The following ROBO1 variants were observed in gnomAD, a reference collection of about 807,000 sequenced individuals.
ROBO1 encodes the protein roundabout guidance receptor 1.
In ROBO1, 149 loss-of-function variants were observed where a neutral mutation model predicts 195.9. The observed-to-expected ratio is 0.76, with a 90% CI of 0.67 to 0.87. The LOEUF is 0.87. ROBO1 is among the 40% of genes least tolerant of loss of function. The pLI is 0.00. For synonymous variants in ROBO1, 816 were observed against 733.2 expected, an observed-to-expected ratio of 1.11 and a Z score of -1.82; for missense variants, 1,933 against 2,068.3, an observed-to-expected ratio of 0.93 and a Z score of 1.27.
chr3:79,459,801 T>C (rs1268862551), intron 2 of ROBO1, among the ~76,000 whole-genome samples: 2 of 152,106 alleles, frequency 1.3e-5, no homozygotes, highest in African/African-American at 4.8e-5. Context: ...AAGGTATTAT[T>C]ATGAATAAAA....
chr3:78,732,100 T>A (rs1238681054), intron 5 of ROBO1, among the ~76,000 whole-genome samples: 2 of 152,084 alleles, frequency 1.3e-5, no homozygotes, highest in East Asian at 3.8e-4. Flanking sequence ...TTGCTCCAGA[T>A]CATTTGGTAA....
chr3:79,490,773 T>C (rs889629522), intron 2 of ROBO1, among the ~76,000 whole-genome samples: 16 of 152,208 alleles, frequency 1.1e-4, no homozygotes, highest in African/African-American at 1.7e-4. Flanking sequence ...CTTGTGCTTA[T>C]GCATATTTGC....
chr3:79,286,772 A>T (rs1444708591), intron 2 of ROBO1, among the ~76,000 whole-genome samples: 1 of 152,170 alleles, frequency 6.6e-6, no homozygotes, highest in Non-Finnish European at 1.5e-5. Context: ...AATAATAATA[A>T]TATCACAACT....
intron 3 of ROBO1, among the ~76,000 whole-genome samples, chr3:79,001,156 C>A (rs2077495123): frequency 6.6e-6 from 1 of 151,864 alleles, no homozygotes; most frequent in South Asian, 2.1e-4. Context: ...AGCATTAGGA[C>A]AAATACCTAA....
chr3:79,569,524 G>A (rs949911450), intron 2 of ROBO1, among the ~76,000 whole-genome samples: 5 of 151,842 alleles, frequency 3.3e-5, no homozygotes, highest in Admixed American at 6.6e-5. Context: ...ATATTATTTT[G>A]TCCAACACTG....
chr3:79,757,060 T>C (rs1704446940), intron 1 of ROBO1, among the ~76,000 whole-genome samples: 1 of 152,206 alleles, frequency 6.6e-6, no homozygotes, highest in Admixed American at 6.5e-5. Context: ...TATTCATTCA[T>C]TCATCCATAG....
chr3:79,360,638 A>T (rs2035734048), intron 2 of ROBO1, among the ~76,000 whole-genome samples: 1 of 151,986 alleles, frequency 6.6e-6, no homozygotes. Flanking sequence ...TACATGGATT[A>T]GTCACTTTGT....
chr3:79,604,833 A>G (rs1336259950), intron 1 of ROBO1, among the ~76,000 whole-genome samples: 1 of 151,810 alleles, frequency 6.6e-6, no homozygotes, highest in Admixed American at 6.6e-5. Flanking sequence ...CCTTTTGAAT[A>G]TTTTTCCTCT....
At chr3:79,264,963 A>C (rs758288065) in intron 2 of ROBO1, among the ~76,000 whole-genome samples, 10 of 151,894 alleles carry the variant, frequency 6.6e-5, no homozygotes, top group Non-Finnish European at 1.0e-4. Flanking sequence ...AAACAGCCGG[A>C]TTCTAGGTTA....
In ROBO1 at chr3:78,631,178, G is replaced by T. The variant is rs1289830398; in HGVS notation, c.3609C>A (p.Asn1203Lys). 6.2e-7 allele frequency: 1 copy of T among 1,611,830 alleles called. No homozygotes were observed. The highest frequency in any genetic ancestry group is 8.5e-7 in the Non-Finnish European group (1 of 1,178,930). The change falls in exon 25 of 31, where the codon AAC becomes AAA. Residue 1203 changes from asparagine (N) to lysine (K), a missense_variant. Physicochemically the swap from Asn to Lys is moderately conservative, Grantham distance 94 (BLOSUM62 0). This residue lies in a region of ROBO1 where 1,737 missense variants were observed against 1,882.5 expected (regional missense o/e 0.92). Coordinates refer to ENST00000464233, the MANE Select transcript of ROBO1 (RefSeq NM_002941.4). ...CCTCTTACCTTTCATCTACAGAAATGTTGTACTCTTCGCTATTGCTGTGTG... is the reference window on the plus strand; with the variant it reads ...CCTCTTACCTTTCATCTACAGAAATTTTGTACTCTTCGCTATTGCTGTGTG... ...PPPHSNSEEY[N>K]ISVDESYDQE...
At chr3:79,288,191 G>A (rs998275258) in intron 2 of ROBO1, among the ~76,000 whole-genome samples, 1 of 152,030 alleles carries the variant, frequency 6.6e-6, no homozygotes, top group African/African-American at 2.4e-5. Flanking sequence ...TTTTCTTAGT[G>A]AAAGGTTTAA....
chr3:78,677,404 T>C (rs200286309), intron 10 of ROBO1, among the ~76,000 whole-genome samples: 38,794 of 151,918 alleles, frequency 0.26, 5,134 homozygotes, highest in African/African-American at 0.32. Flanking sequence ...TCAACACCCA[T>C]CAGTGTGCTG....
At chr3:78,608,020 T>TACACACACACACACACACACACAC (rs56715450) in intron 28 of ROBO1, among the ~76,000 whole-genome samples, 76 of 149,872 alleles carry the variant, frequency 5.1e-4, no homozygotes, top group African/African-American at 1.8e-3. Context: ...TAATTTCATT[T>TACACACACACACACACACACACAC]ACACACACAC....
chr3:78,951,364 A>G (rs2040775277), intron 3 of ROBO1, among the ~76,000 whole-genome samples: 1 of 152,148 alleles, frequency 6.6e-6, no homozygotes. Flanking sequence ...ACATTCCTAT[A>G]AAACATCTGA....
At chr3:78,710,419 T>C (rs769751762) in intron 8 of ROBO1, among the ~76,000 whole-genome samples, 1 of 152,202 alleles carries the variant, frequency 6.6e-6, no homozygotes, top group Non-Finnish European at 1.5e-5. Flanking sequence ...AGATTCTTCA[T>C]TTACAGTAGA....
intron 2 of ROBO1, among the ~76,000 whole-genome samples, chr3:79,141,457 T>C (rs2080523434): frequency 1.3e-5 from 2 of 152,166 alleles, no homozygotes; most frequent in South Asian, 4.1e-4. Flanking sequence ...TCACAGGGAT[T>C]AGCTGTGTCC....
At chr3:79,505,242 A>G (rs1163334761) in intron 2 of ROBO1, among the ~76,000 whole-genome samples, 1 of 151,832 alleles carries the variant, frequency 6.6e-6, no homozygotes, top group East Asian at 1.9e-4. Context: ...TTGACTTTCT[A>G]CTTCTGTTCA....
chr3:79,599,842 G>T lies in ROBO1; in HGVS notation c.-50-9881C>A, dbSNP rs538003021. Among the ~76,000 whole-genome samples the T allele has an allele frequency of 9.4e-4, 143 of 151,886 alleles. 1 individual carries two copies. The highest frequency in any genetic ancestry group is 3.4e-3 in the African/African-American group (140 of 41,472). ...TTAGTAGAATTATTTAAATAATAAA[G>T]ACATTTTAAAAAATGATCTAATGAA... is the stretch of plus-strand genomic sequence containing the variant. On this transcript the variant is annotated intron_variant, in intron 1 of 30. Transcript: ENST00000464233.
chr3:78,728,048 GTTC>G (rs939273951), intron 5 of ROBO1, among the ~76,000 whole-genome samples: 1 of 151,924 alleles, frequency 6.6e-6, no homozygotes, highest in Admixed American at 6.6e-5. Context: ...CCAAATCACA[GTTC>G]TTCTTGGTTA....
Sources: gnomAD v4.1 joint callset for allele counts (sites outside exome capture counted in the v4.1 genomes callset) on GRCh38, gnomAD v4.1.1 for gene constraint, gnomAD v4.1.1 regional missense constraint, MANE v1.5 for transcripts, NCBI Gene and HGNC (gene_info 2026-07-23, HGNC 2026-07-21) for gene names.